The following CACNA1C variants were observed in gnomAD, a reference collection of about 807,000 sequenced individuals.
CACNA1C encodes voltage-dependent L-type calcium channel subunit alpha-1C.
Under a neutral mutation model 229.0 loss-of-function variants are expected in CACNA1C, and 30 were observed. The observed-to-expected ratio is 0.13, with a 90% CI of 0.10 to 0.18. CACNA1C has a LOEUF of 0.18. CACNA1C is among the 10% of genes least tolerant of loss of function. CACNA1C has a pLI of 1.00. For missense variants in CACNA1C, 1,658 were observed against 2,845.0 expected (o/e 0.58, Z 9.49); for synonymous variants, 1,114 against 1,132.5 (o/e 0.98, Z 0.33).
intron 3 of CACNA1C, among the ~76,000 whole-genome samples, chr12:2,341,449 A>G (rs1428233660): frequency 6.6e-6 from 1 of 152,100 alleles, no homozygotes; most frequent in Non-Finnish European, 1.5e-5. Context: ...TGCTCTTCTA[A>G]GTATGAAGTT....
chr12:2,184,613 A>G (rs1160622150), intron 3 of CACNA1C, among the ~76,000 whole-genome samples: 1 of 152,194 alleles, frequency 6.6e-6, no homozygotes, highest in Non-Finnish European at 1.5e-5. Flanking sequence ...TAGTTTATTC[A>G]TTAGCCTGTT....
intron 5 of CACNA1C, among the ~76,000 whole-genome samples, chr12:2,469,702 A>C (rs867219920): frequency 9.2e-5 from 14 of 152,266 alleles, no homozygotes; most frequent in Middle Eastern, 3.2e-3. Context: ...ATCCAAAAGT[A>C]TAATGCCTTC....
Position 2,572,932 on chromosome 12 carries a change from T to TCTC in CACNA1C, c.1895+5147_1895+5149dup, listed in dbSNP as rs1331790939. ...CTCCTCCTCCTCTTCCTCCTCCTCC[T>TCTC]CTCCTCCTCCTTCTCCTCTTCCTCT... On this transcript the variant is annotated intron_variant, in intron 13 of 46. Transcript: ENST00000399655. 1.8e-4 allele frequency among the ~76,000 whole-genome samples: 22 copies of TCTC among 121,030 alleles called. No homozygotes were observed. In the South Asian group the frequency reaches 3.1e-3, roughly 17 times the overall value. 79.4% of individuals were successfully genotyped at this position (121,030 alleles called of 152,430 possible).
chr12:2,489,463 C>T (rs926801247), intron 6 of CACNA1C, among the ~76,000 whole-genome samples: 5 of 152,182 alleles, frequency 3.3e-5, no homozygotes, highest in African/African-American at 1.2e-4. Context: ...CTGCAAGGCG[C>T]CTTCTCAGCT....
chr12:2,477,759 A>G (rs1450376026), intron 5 of CACNA1C, among the ~76,000 whole-genome samples: 1 of 151,192 alleles, frequency 6.6e-6, no homozygotes, highest in Non-Finnish European at 1.5e-5. Context: ...TTCTGTAACC[A>G]CTCTTTCCAC....
At chr12:2,300,821 G>A (rs1230487246) in intron 3 of CACNA1C, among the ~76,000 whole-genome samples, 1 of 152,180 alleles carries the variant, frequency 6.6e-6, no homozygotes, top group Non-Finnish European at 1.5e-5. Flanking sequence ...AGCCATGGAG[G>A]TGGCTGGGGG....
intron 1 of CACNA1C, chr12:1,992,994 C>A: frequency 1.6e-6 from 1 of 620,140 alleles, no homozygotes; most frequent in African/African-American, 1.8e-5. Flanking sequence ...GGCTTAAGAT[C>A]AGCAATGGGT....
At chr12:2,322,180 G>A (rs533961858) in intron 3 of CACNA1C, among the ~76,000 whole-genome samples, 17 of 152,360 alleles carry the variant, frequency 1.1e-4, no homozygotes, top group African/African-American at 3.6e-4. Context: ...CTGTGTGGGT[G>A]ATGAACAAGG....
intron 13 of CACNA1C, among the ~76,000 whole-genome samples, chr12:2,574,725 C>G (rs73236482): frequency 1.2e-3 from 184 of 152,362 alleles, no homozygotes; most frequent in African/African-American, 4.2e-3. Context: ...TCTTCCATCA[C>G]CTTCTAGCCC....
intron 3 of CACNA1C, among the ~76,000 whole-genome samples, chr12:2,447,618 G>A (rs567813782): frequency 6.6e-6 from 1 of 152,334 alleles, no homozygotes; most frequent in South Asian, 2.1e-4. Flanking sequence ...GGATTGTGAT[G>A]GAATGAATGG....
chr12:2,309,772 A>G (rs569372489), intron 3 of CACNA1C, among the ~76,000 whole-genome samples: 64 of 152,348 alleles, frequency 4.2e-4, no homozygotes, highest in African/African-American at 1.4e-3. Context: ...GCCTGCAGCA[A>G]TCTGCACAGA....
intron 3 of CACNA1C, among the ~76,000 whole-genome samples, chr12:2,266,093 C>A (rs929695195): frequency 1.3e-5 from 2 of 152,214 alleles, no homozygotes; most frequent in African/African-American, 4.8e-5. Flanking sequence ...ACTCAGGCAA[C>A]CAAGGCAGGA....
chr12:2,618,615 G>A (rs528771599), intron 29 of CACNA1C, among the ~76,000 whole-genome samples: 4 of 152,256 alleles, frequency 2.6e-5, no homozygotes, highest in African/African-American at 4.8e-5. Flanking sequence ...GAGGGGCCAG[G>A]GGAACCCTGC....
chr12:2,033,030 G>T, intron 1 of CACNA1C, among the ~76,000 whole-genome samples: 1 of 152,292 alleles, frequency 6.6e-6, no homozygotes, highest in East Asian at 1.9e-4. Flanking sequence ...GGTAGGGGGT[G>T]GTGGAGTAAA....
At chr12:2,115,177 CT>C in intron 1 of CACNA1C, 46 bp from the exon 2 acceptor site, 1 of 1,388,296 alleles carries the variant, frequency 7.2e-7, no homozygotes, top group Non-Finnish European at 9.7e-7. Flanking sequence ...GGAAGTGCCC[CT>C]GTTTTCTATC....
chr12:2,230,631 A>G (rs1667173022), intron 3 of CACNA1C, among the ~76,000 whole-genome samples: 1 of 152,176 alleles, frequency 6.6e-6, no homozygotes, highest in African/African-American at 2.4e-5. Context: ...CCTGATCACT[A>G]ACGGTGGGAG....
intron 3 of CACNA1C, among the ~76,000 whole-genome samples, chr12:2,232,684 T>C (rs1405417207): frequency 6.6e-6 from 1 of 152,230 alleles, no homozygotes; most frequent in African/African-American, 2.4e-5. Context: ...TGGCTAATTA[T>C]GATTTTTCTA....
intron 3 of CACNA1C, among the ~76,000 whole-genome samples, chr12:2,357,025 G>A (rs1003991318): frequency 1.3e-5 from 2 of 152,216 alleles, no homozygotes; most frequent in South Asian, 4.1e-4. Context: ...CCTCCATGGG[G>A]TCTTGAAACT....
At chr12:2,501,188 C>A (rs560493239) in intron 7 of CACNA1C, among the ~76,000 whole-genome samples, 3 of 113,590 alleles carry the variant, frequency 2.6e-5, no homozygotes, top group Admixed American at 1.2e-4. Flanking sequence ...CCAGCCTGGG[C>A]GACAGAGTGA....
Sources: allele counts gnomAD v4.1 joint callset (sites outside exome capture counted in the v4.1 genomes callset), GRCh38; gene constraint gnomAD v4.1.1; transcripts MANE v1.5; gene names NCBI Gene and HGNC (gene_info 2026-07-23, HGNC 2026-07-21).